NF1: variants seen among roughly 807,000 people sequenced by gnomAD.
The protein encoded by NF1 is neurofibromin.
NF1 carries 122 observed loss-of-function variants against 325.7 expected under a neutral mutation model. That is an observed-to-expected ratio of 0.37 (90% CI 0.32 to 0.44). The LOEUF is 0.44. Among genes scored for constraint, NF1 ranks in the 20% least tolerant of loss-of-function variants. The probability of loss-of-function intolerance (pLI) is 1.00; values close to 1 mark genes in which losing one functional copy is unlikely to be tolerated. For missense variants in NF1, 2,140 were observed against 3,415.4 expected, an observed-to-expected ratio of 0.63 and a Z score of 9.31; for synonymous variants, 1,091 against 1,186.0, an observed-to-expected ratio of 0.92 and a Z score of 1.65.
intron 10 of NF1, 104 bp from the exon 11 acceptor site, chr17:31,201,307 G>GTTT: frequency 7.5e-7 from 1 of 1,333,828 alleles, no homozygotes; most frequent in Non-Finnish European, 1.0e-6. Flanking sequence ...AAAACTTAGT[G>GTTT]TTTTTTTTTT....
At chr17:31,370,186 T>C (rs2070607188) in intron 57 of NF1, among the ~76,000 whole-genome samples, 1 of 152,176 alleles carries the variant, frequency 6.6e-6, no homozygotes, top group Admixed American at 6.5e-5. Flanking sequence ...AGAATTTAGA[T>C]GAAAAATGAA....
chr17:31,222,688 T>A, intron 15 of NF1: 1 of 235,878 alleles, frequency 4.2e-6, no homozygotes, highest in Non-Finnish European at 7.3e-6. Flanking sequence ...ATATTATCTA[T>A]AATTTCAACA....
At chr17:31,311,553 A>G (rs563662813) in intron 36 of NF1, among the ~76,000 whole-genome samples, 1 of 152,344 alleles carries the variant, frequency 6.6e-6, no homozygotes, top group East Asian at 1.9e-4. Flanking sequence ...GAAAAGTGGA[A>G]AGAGAAATTG....
intron 8 of NF1, 49 bp downstream of exon 8, chr17:31,182,714 A>G: frequency 6.5e-7 from 1 of 1,543,010 alleles, no homozygotes. Flanking sequence ...GAAGCAGTTT[A>G]TTTTACTCAA....
At position 31,318,155 on chromosome 17, in the gene NF1, CT is replaced by C. The variant is rs2151526092; in HGVS notation, c.4836-7663del. The C allele has an allele frequency of 3.2e-6, 3 of 925,492 alleles. No individual in the cohort carries two copies. The South Asian group carries it at 5.5e-5, about 17-fold the overall frequency. The allele number at this position is 925,492 out of a possible 1,614,324, so 57.3% of individuals were successfully genotyped here. A position where few individuals can be genotyped will look rare whatever the true frequency, so the allele number is the denominator to read the frequency against. ...CAGTTTAAATAATTAAGCAGGCATA[CT>C]TCTCCCTGTCTCACCTGCTTGATTC... On this transcript the variant is annotated intron_variant, in intron 36 of 57. Coordinates refer to ENST00000358273, the MANE Select transcript of NF1 (RefSeq NM_001042492.3).
At chr17:31,225,721 A>G (rs2067002073) in intron 17 of NF1, among the ~76,000 whole-genome samples, 2 of 152,216 alleles carry the variant, frequency 1.3e-5, no homozygotes, top group Non-Finnish European at 2.9e-5. Flanking sequence ...AATATAAATC[A>G]TATTTCAAGT....
At chr17:31,247,671 G>GT (rs2067419683) in intron 29 of NF1, among the ~76,000 whole-genome samples, 5 of 152,120 alleles carry the variant, frequency 3.3e-5, no homozygotes, top group Admixed American at 3.3e-4. Flanking sequence ...TCATTTTTAG[G>GT]TAGCTGCCTT....
At chr17:31,117,290 G>T (rs115102532) in intron 1 of NF1, among the ~76,000 whole-genome samples, 2 of 151,870 alleles carry the variant, frequency 1.3e-5, no homozygotes, top group Non-Finnish European at 2.9e-5. Flanking sequence ...CTCCAAAACC[G>T]TTTTTATTAA....
At chr17:31,282,197 A>G (rs1466494940) in intron 36 of NF1, among the ~76,000 whole-genome samples, 1 of 151,948 alleles carries the variant, frequency 6.6e-6, no homozygotes, top group African/African-American at 2.4e-5. Flanking sequence ...CCTGGCTAAC[A>G]CGGTGAAACC....
chr17:31,201,250 A>C (rs2066523750), intron 10 of NF1, 91 bp downstream of exon 10: 1 of 1,554,648 alleles, frequency 6.4e-7, no homozygotes, highest in African/African-American at 1.4e-5. Flanking sequence ...GTTCACTTTT[A>C]TCGGTATTTC....
intron 4 of NF1, among the ~76,000 whole-genome samples, chr17:31,164,501 T>C (rs1012809565): frequency 6.6e-6 from 1 of 152,234 alleles, no homozygotes; most frequent in Non-Finnish European, 1.5e-5. Context: ...TATTTAGTGA[T>C]TCGTGAATCG....
At chr17:31,169,845 C>T (rs1159111275) in intron 4 of NF1, 46 bp from the exon 5 acceptor site, 1 of 1,323,226 alleles carries the variant, frequency 7.6e-7, no homozygotes, top group Non-Finnish European at 1.1e-6. Flanking sequence ...CACACCTGTC[C>T]CCTAATACTT....
At chr17:31,123,552 T>G (rs1914615384) in intron 1 of NF1, among the ~76,000 whole-genome samples, 1 of 152,210 alleles carries the variant, frequency 6.6e-6, no homozygotes, top group Non-Finnish European at 1.5e-5. Context: ...TTCCTAGTGT[T>G]GGGATTACAG....
At chr17:31,197,128 T>C (rs1597676593) in intron 8 of NF1, among the ~76,000 whole-genome samples, 1 of 151,772 alleles carries the variant, frequency 6.6e-6, no homozygotes, top group South Asian at 2.1e-4. Flanking sequence ...CACTACAAGC[T>C]CCGCCTCCCA....
chr17:31,330,647 C>T lies in NF1; in HGVS notation c.5812+149C>T, dbSNP rs191831619. On this transcript the variant is annotated intron_variant, in intron 39 of 57. Transcript: ENST00000358273. ...ATTTTATATCTGTGGTATCCTGTAA[C>T]TGAAGGAACTCTGAAGGAACTTTTT... is the stretch of plus-strand genomic sequence containing the variant. The T allele has an allele frequency of 1.8e-4, 118 of 654,196 alleles. No homozygotes were observed. The African/African-American group carries it at 2.1e-3, about 12-fold the overall frequency. The allele number at this position is 654,196 out of a possible 1,614,324, so 40.5% of individuals were successfully genotyped here.
intron 47 of NF1, among the ~76,000 whole-genome samples, chr17:31,341,506 G>GAC (rs2069819779): frequency 6.6e-6 from 1 of 151,908 alleles, no homozygotes; most frequent in African/African-American, 2.4e-5. Context: ...TTGGGCAACA[G>GAC]AGCAAGACCC....
chr17:31,193,682 A>G (rs1810846266), intron 8 of NF1, among the ~76,000 whole-genome samples: 1 of 147,390 alleles, frequency 6.8e-6, no homozygotes, highest in South Asian at 2.1e-4. Context: ...AACAAAACAA[A>G]ACAAAACAAA....
intron 24 of NF1, 58 bp from the exon 25 acceptor site, chr17:31,232,015 A>G: frequency 9.6e-7 from 1 of 1,042,202 alleles, no homozygotes; most frequent in South Asian, 1.5e-5. Context: ...GGGGAAGTGA[A>G]AGAACTTGAA....
At chr17:31,136,791 T>C (rs1052043467) in intron 1 of NF1, 1 of 40,234 alleles carries the variant, frequency 2.5e-5, no homozygotes, top group African/African-American at 3.6e-5. Context: ...CTGTGTCTTA[T>C]AAATTAAACT....
Sources: allele counts gnomAD v4.1 joint callset (sites outside exome capture counted in the v4.1 genomes callset), GRCh38; gene constraint gnomAD v4.1.1; transcripts MANE v1.5; gene names NCBI Gene and HGNC (gene_info 2026-07-23, HGNC 2026-07-21).